Variants in AVL9 observed in about 807,000 individuals in gnomAD.
The protein encoded by AVL9 is AVL9 cell migration associated, also known as late secretory pathway protein AVL9 homolog.
Under a neutral mutation model 79.2 loss-of-function variants are expected in AVL9, and 49 were observed. The ratio of observed to expected loss-of-function variants is 0.62; its 90% CI spans 0.49 to 0.79. AVL9 has a LOEUF of 0.79. Among genes scored for constraint, AVL9 ranks in the 30% least tolerant of loss-of-function variants. AVL9 has a pLI of 0.00. For missense variants in AVL9, 682 were observed against 776.8 expected, an observed-to-expected ratio of 0.88 and a Z score of 1.45; for synonymous variants, 299 against 280.6, an observed-to-expected ratio of 1.07 and a Z score of -0.65.
chr7:32,560,646 ATATTTT>A (rs1790291688), intron 10 of AVL9, among the ~76,000 whole-genome samples: 1 of 152,180 alleles, frequency 6.6e-6, no homozygotes, highest in African/African-American at 2.4e-5. Context: ...GTTAATATTG[ATATTTT>A]GACCTCCTCC....
chr7:32,503,901 T>G (rs1201501039), intron 1 of AVL9, among the ~76,000 whole-genome samples: 1 of 152,192 alleles, frequency 6.6e-6, no homozygotes, highest in African/African-American at 2.4e-5. Flanking sequence ...CAGGCAGGTC[T>G]CAAACTCCTG....
At chr7:32,563,120 G>A (rs1023114030) in intron 10 of AVL9, among the ~76,000 whole-genome samples, 6 of 151,918 alleles carry the variant, frequency 3.9e-5, no homozygotes, top group African/African-American at 9.7e-5. Context: ...CAACCTCCAC[G>A]TCCCAGGTTC....
chr7:32,505,985 A>G (rs1443248541), intron 1 of AVL9, among the ~76,000 whole-genome samples: 1 of 152,130 alleles, frequency 6.6e-6, no homozygotes, highest in African/African-American at 2.4e-5. Context: ...TGTGCCCTAA[A>G]CATAATCTCT....
At chr7:32,579,465 TAA>T (rs1791306702) in intron 13 of AVL9, among the ~76,000 whole-genome samples, 3 of 6,782 alleles carry the variant, frequency 4.4e-4, no homozygotes, top group South Asian at 6.7e-3. Flanking sequence ...ATATTATATA[TAA>T]TATATTATAT....
chr7:32,567,963 G>C (rs1173678981), intron 10 of AVL9, among the ~76,000 whole-genome samples: 1 of 151,786 alleles, frequency 6.6e-6, no homozygotes, highest in Non-Finnish European at 1.5e-5. Flanking sequence ...CAGATGATCT[G>C]CCCTCTTCAG....
chr7:32,534,761 T>C (rs1373450621), intron 1 of AVL9: 1 of 152,124 alleles, frequency 6.6e-6, no homozygotes, highest in African/African-American at 2.4e-5. Context: ...CTGGCCAACA[T>C]GGTGAAAACC....
At chr7:32,572,906 G>A (rs1790923234) in intron 11 of AVL9, among the ~76,000 whole-genome samples, 1 of 151,994 alleles carries the variant, frequency 6.6e-6, no homozygotes, top group Admixed American at 6.6e-5. Context: ...TGAAATAAAG[G>A]TGATTTTTAC....
chr7:32,516,586 A>G (rs1194077441), intron 1 of AVL9, among the ~76,000 whole-genome samples: 1 of 152,090 alleles, frequency 6.6e-6, no homozygotes. Context: ...GGGAATCCCC[A>G]ACAAAATTAG....
intron 1 of AVL9, among the ~76,000 whole-genome samples, chr7:32,521,022 G>A (rs773552975): frequency 2.0e-5 from 3 of 151,516 alleles, no homozygotes; most frequent in East Asian, 1.9e-4. Context: ...TTCTCTTCCC[G>A]CCGACATGTA....
Position 32,536,177 on chromosome 7 carries a change from CATGTACAGCTAT to C in AVL9, c.94-6957_94-6946del, listed in dbSNP as rs1452866720. 7 of 133,926 alleles carry C rather than the reference CATGTACAGCTAT, an allele frequency of 5.2e-5. No homozygotes were observed. The East Asian group carries it at 1.7e-3, about 33-fold the overall frequency. 8.3% of individuals were successfully genotyped at this position (133,926 alleles called of 1,614,324 possible). A position where few individuals can be genotyped will look rare whatever the true frequency, so the allele number is the denominator to read the frequency against. On this transcript the variant is annotated intron_variant, in intron 1 of 15. Coordinates refer to ENST00000318709, the MANE Select transcript of AVL9 (RefSeq NM_015060.3). ...TTTTTTTACATATACTTAGGGCTGC[CATGTACAGCTAT>C]ATGTACTTCACGACACAATTGCAGG...
intron 15 of AVL9, among the ~76,000 whole-genome samples, chr7:32,583,258 C>G (rs1388486779): frequency 6.6e-6 from 1 of 152,216 alleles, no homozygotes; most frequent in African/African-American, 2.4e-5. Flanking sequence ...TTGATGAATA[C>G]TTTCAGAATG....
intron 1 of AVL9, among the ~76,000 whole-genome samples, chr7:32,527,619 C>A (rs1294010185): frequency 6.6e-6 from 1 of 152,102 alleles, no homozygotes; most frequent in Non-Finnish European, 1.5e-5. Flanking sequence ...AGTGAATTGT[C>A]TGTAAGTCTT....
chr7:32,560,448 C>G (rs1408110890), intron 10 of AVL9, among the ~76,000 whole-genome samples: 2 of 152,132 alleles, frequency 1.3e-5, no homozygotes, highest in African/African-American at 2.4e-5. Flanking sequence ...AAACCACTCT[C>G]CTTATTCATC....
Position 32,573,306 on chromosome 7 carries a change from G to A in AVL9, c.1458G>A (p.Glu486=). The A allele has an allele frequency of 6.2e-7, 1 of 1,613,860 alleles. No individual in the cohort carries two copies. The highest frequency in any genetic ancestry group is 2.2e-5 in the East Asian group (1 of 44,878). The part of the protein sequence containing the change: ...FADYLVRHVT[E]NRDDVFLDGT... ...ACTACCTAGTGAGGCACGTGACTGA[G>A]AATCGGGATGACGTCTTCCTAGATG... Residue 486 remains glutamate, a synonymous_variant, in exon 12 of 16, where the codon GAG becomes GAA. Coordinates refer to ENST00000318709, the MANE Select transcript of AVL9 (RefSeq NM_015060.3).
At chr7:32,548,558 TG>T (rs374557918) in intron 3 of AVL9, among the ~76,000 whole-genome samples, 9 of 151,350 alleles carry the variant, frequency 5.9e-5, no homozygotes, top group Non-Finnish European at 1.3e-4. Flanking sequence ...ATGGCTGATT[TG>T]GGCCTGGTGA....
chr7:32,514,835 ACT>A (rs1399631309), intron 1 of AVL9, among the ~76,000 whole-genome samples: 1 of 151,678 alleles, frequency 6.6e-6, no homozygotes, highest in Non-Finnish European at 1.5e-5. Flanking sequence ...CCCTTCACTG[ACT>A]CTCTTTTCGG....
chr7:32,518,991 G>A (rs907882731), intron 1 of AVL9, among the ~76,000 whole-genome samples: 57 of 152,100 alleles, frequency 3.7e-4, no homozygotes, highest in African/African-American at 1.3e-3. Flanking sequence ...ATAATCTATA[G>A]AAGAAAAATT....
In AVL9 at chr7:32,554,549, C is replaced by A; in HGVS notation, c.571-9C>A. The A allele has an allele frequency of 2.1e-6, 3 of 1,454,274 alleles. No homozygotes were observed. Among genetic ancestry groups the A allele is most frequent in the Non-Finnish European group, 1.9e-6 (2 of 1,078,818 alleles). 90.1% of individuals were successfully genotyped at this position (1,454,274 alleles called of 1,614,324 possible). On this transcript the variant is annotated splice_polypyrimidine_tract_variant and intron_variant, in intron 7 of 15. Transcript: ENST00000318709. ...CATTTCAATACAACATTTTTTTTTC[C>A]TTTTGCAGGTCTTAATCCTATTTAA...
In AVL9 at chr7:32,583,784, C is replaced by G; in HGVS notation, c.1832-8C>G. On this transcript the variant is annotated splice_region_variant and splice_polypyrimidine_tract_variant and intron_variant, in intron 15 of 15. Coordinates refer to ENST00000318709, the MANE Select transcript of AVL9 (RefSeq NM_015060.3). ...ATTTTTCCTTTTGTTTTTCTCCTCT[C>G]CATCCAGGCCAGTCAGTTGGAGGAG... is the stretch of plus-strand genomic sequence containing the variant. 6.3e-7 allele frequency: 1 copy of G among 1,591,088 alleles called. No individual in the cohort carries two copies. The highest frequency in any genetic ancestry group is 1.1e-5 in the South Asian group (1 of 89,464).
Sources: allele counts gnomAD v4.1 joint callset (sites outside exome capture counted in the v4.1 genomes callset), GRCh38; gene constraint gnomAD v4.1.1; transcripts MANE v1.5; gene names NCBI Gene and HGNC (gene_info 2026-07-23, HGNC 2026-07-21).